Variants in CEP295 observed in about 807,000 individuals in gnomAD.
CEP295 encodes centrosomal protein 295, also known as centrosomal protein of 295 kDa.
CEP295 carries 190 observed loss-of-function variants against 291.6 expected under a neutral mutation model. The observed-to-expected ratio is 0.65, with a 90% CI of 0.58 to 0.73. The LOEUF (loss-of-function observed/expected upper bound fraction) is 0.73, where lower values mean the gene tolerates loss of function less well. Among genes scored for constraint, CEP295 ranks in the 30% least tolerant of loss-of-function variants. CEP295 has a pLI of 0.00. For synonymous variants in CEP295, 993 were observed against 1,038.8 expected (o/e 0.96, Z 0.85); for missense variants, 2,863 against 2,949.4 (o/e 0.97, Z 0.68).
intron 18 of CEP295, among the ~76,000 whole-genome samples, chr11:93,718,896 G>A (rs534830383): frequency 2.0e-5 from 3 of 152,176 alleles, no homozygotes; most frequent in African/African-American, 7.2e-5. Context: ...GGATCATAAG[G>A]TCAGGAATTC....
chr11:93,695,478 A>G lies in CEP295; in HGVS notation c.1534-19A>G, dbSNP rs189108640. The G allele has an allele frequency of 1.5e-4, 209 of 1,407,344 alleles. 1 individual carries two copies. In the East Asian group the frequency reaches 2.7e-3, roughly 18 times the overall value. The allele number at this position is 1,407,344 out of a possible 1,614,324, so 87.2% of individuals were successfully genotyped here. On this transcript the variant is annotated intron_variant, in intron 12 of 29. Transcript: ENST00000325212. ...GTATGAGTTTGTTGTTAATAGATCA[A>G]TAGTATTTTGTTACCTAGATAATGG...
intron 21 of CEP295, chr11:93,723,663 A>G: frequency 5.9e-6 from 1 of 169,838 alleles, no homozygotes; most frequent in Non-Finnish European, 1.3e-5. Context: ...TTAATCTTTT[A>G]TAAAAGAGGA....
At chr11:93,722,241 G>A (rs1038369699) in intron 20 of CEP295, among the ~76,000 whole-genome samples, 191 bp downstream of exon 20, 2 of 152,024 alleles carry the variant, frequency 1.3e-5, no homozygotes, top group South Asian at 2.1e-4. Flanking sequence ...TGGGAGGATC[G>A]CTTGAGCCCA....
At chr11:93,685,481 C>T (rs141953884) in intron 9 of CEP295, among the ~76,000 whole-genome samples, 3 of 152,270 alleles carry the variant, frequency 2.0e-5, no homozygotes, top group African/African-American at 7.2e-5. Context: ...TTATTCATGT[C>T]TCCTATGCCT....
chr11:93,677,190 T>C (rs11827321), intron 6 of CEP295, among the ~76,000 whole-genome samples: 2,012 of 152,254 alleles, frequency 0.013, 50 homozygotes, highest in African/African-American at 0.046. Context: ...ACTCAACTTA[T>C]ATCACATGCA....
At position 93,698,979 on chromosome 11, in the gene CEP295, A is replaced by C. The variant is rs2135118204; in HGVS notation, c.4067A>C (p.Glu1356Ala). ...CAAGATAATTTGAAGGCACTTCAAG[A>C]ACAGTTAGCTACACAGAGAGAAGCC... ...PQQDNLKALQ[E>A]QLATQREAII... The change falls in exon 15 of 30, where the codon GAA becomes GCA. Residue 1356 changes from glutamate (E) to alanine (A), a missense_variant. By Grantham distance (107) the Glu-to-Ala change is moderately radical. This residue lies in a region of CEP295 where 2,295 missense variants were observed against 2,335.7 expected (regional missense o/e 0.98). Coordinates refer to ENST00000325212, the MANE Select transcript of CEP295 (RefSeq NM_033395.2). 6.4e-7 allele frequency: 1 copy of C among 1,550,568 alleles called. No homozygotes were observed. The highest frequency in any genetic ancestry group is 2.4e-5 in the East Asian group (1 of 40,918).
At chr11:93,678,290 C>G (rs963089177) in intron 6 of CEP295, among the ~76,000 whole-genome samples, 4 of 152,094 alleles carry the variant, frequency 2.6e-5, no homozygotes, top group Non-Finnish European at 5.9e-5. Context: ...ATACTAAATA[C>G]TCCTACAGAT....
rs769044636 is a variant in CEP295 at position 93,699,475 on chromosome 11, T to C, written c.4563T>C (p.Ser1521=). Residue 1521 remains serine (S), a synonymous_variant, in exon 15 of 30, where the codon TCT becomes TCC. Transcript: ENST00000325212. ...ATACACAGAAGAAAGCCATTCGATC[T>C]ATACAGGAAGTCCAAGAAGAATTGC... ...QLDTQKKAIR[S]IQEVQEELLL... is the part of the protein sequence containing the mutation. 1.7e-5 allele frequency: 27 copies of C among 1,551,662 alleles called. No individual in the cohort carries two copies. Among genetic ancestry groups the C allele is most frequent in the Non-Finnish European group, 2.1e-5 (24 of 1,146,996 alleles).
At chr11:93,695,380 T>G in intron 12 of CEP295, 117 bp from the exon 13 acceptor site, 1 of 603,378 alleles carries the variant, frequency 1.7e-6, no homozygotes, top group African/African-American at 2.0e-5. Context: ...CAACACTTAC[T>G]TCTTTGAAAA....
rs1950347634 is a variant in CEP295, at chr11:93,669,778, T to G, written c.528+8T>G. On this transcript the variant is annotated splice_region_variant and intron_variant, in intron 5 of 29. Coordinates refer to ENST00000325212, the MANE Select transcript of CEP295 (RefSeq NM_033395.2). The stretch of plus-strand genomic sequence containing the variant: ...CCTCCAACTCTTTTTGAGGTGAGTT[T>G]GAGTATTAAGAGGAACTAGGTCATA... 1 of 1,532,252 alleles carries G rather than the reference T, an allele frequency of 6.5e-7. No homozygotes were observed. Among genetic ancestry groups the G allele is most frequent in the African/African-American group, 1.4e-5 (1 of 72,682 alleles). 94.9% of individuals were successfully genotyped at this position (1,532,252 alleles called of 1,614,324 possible).
chr11:93,721,222 G>C (rs1953689704), intron 18 of CEP295, 90 bp from the exon 19 acceptor site: 3 of 718,832 alleles, frequency 4.2e-6, no homozygotes, highest in African/African-American at 1.8e-5. Context: ...TAGGAAAGCA[G>C]GGAATGGTGT....
At position 93,721,429 on chromosome 11, in the gene CEP295, T is replaced by A. The variant is rs1953703230; in HGVS notation, c.5850+17T>A. 1 of 1,455,244 alleles carries A rather than the reference T, an allele frequency of 6.9e-7. No individual in the cohort carries two copies. 90.1% of individuals were successfully genotyped at this position (1,455,244 alleles called of 1,614,324 possible). A position where few individuals can be genotyped will look rare whatever the true frequency, so the allele number is the denominator to read the frequency against. ...GATGATAAGGTTAGTAATGTCTTAA[T>A]GTTCACTCGATTTTTAGAGCTGTTT... On this transcript the variant is annotated intron_variant, in intron 19 of 29. Transcript: ENST00000325212.
At chr11:93,729,561 T>C in intron 26 of CEP295, 31 bp downstream of exon 26, 1 of 1,550,030 alleles carries the variant, frequency 6.5e-7, no homozygotes, top group Non-Finnish European at 8.7e-7. Context: ...ACACTTCTAA[T>C]GGAAAGTAGA....
At chr11:93,700,218 C>G in intron 15 of CEP295, 32 bp downstream of exon 15, 3 of 1,485,904 alleles carry the variant, frequency 2.0e-6, no homozygotes, top group Non-Finnish European at 2.7e-6. Flanking sequence ...TAATGAAACA[C>G]TAGAAGTTTA....
At chr11:93,713,854 CTCTTA>C (rs1565205818) in intron 18 of CEP295, among the ~76,000 whole-genome samples, 1 of 152,026 alleles carries the variant, frequency 6.6e-6, no homozygotes, top group Non-Finnish European at 1.5e-5. Flanking sequence ...CTTTTTAATT[CTCTTA>C]TCTTTTGTCT....
chr11:93,697,252 A>T lies in CEP295; in HGVS notation c.2340A>T (p.Leu780Phe). Residue 780 changes from leucine (L) to phenylalanine (F), a missense_variant, in exon 15 of 30, where the codon TTA becomes TTT. Around this residue, in one of 3 missense-constraint regions of CEP295, gnomAD observed 2,295 missense variants for 2,335.7 expected, o/e 0.98. Transcript: ENST00000325212. ...ATAGTGAAAATATATCTTACCATTTAACTGAACCTTCTTCATTTGTACCAC... is the reference window on the plus strand; with the variant it reads ...ATAGTGAAAATATATCTTACCATTTTACTGAACCTTCTTCATTTGTACCAC... Reference protein sequence around the residue: ...SENSENISYHLTEPSSFVPLV... With the variant: ...SENSENISYHFTEPSSFVPLV... 1.9e-6 allele frequency: 3 copies of T among 1,551,748 alleles called. No homozygotes were observed. The highest frequency in any genetic ancestry group is 2.6e-6 in the Non-Finnish European group (3 of 1,146,982).
intron 17 of CEP295, among the ~76,000 whole-genome samples, chr11:93,705,052 CTTAT>C (rs1565195516): frequency 6.6e-6 from 1 of 151,718 alleles, no homozygotes; most frequent in Non-Finnish European, 1.5e-5. Context: ...AGTAAATTGT[CTTAT>C]TTATTTAATT....
At chr11:93,703,267 A>T (rs1457764417) in intron 17 of CEP295, among the ~76,000 whole-genome samples, 1 of 151,940 alleles carries the variant, frequency 6.6e-6, no homozygotes, top group Non-Finnish European at 1.5e-5. Context: ...CCTGGTCTAC[A>T]TTTTTTCAGA....
chr11:93,680,438 T>C (rs1271124354), intron 7 of CEP295, among the ~76,000 whole-genome samples: 1 of 151,844 alleles, frequency 6.6e-6, no homozygotes, highest in Middle Eastern at 3.2e-3. Flanking sequence ...AACCCTGTCT[T>C]TACCAAAATT....
Sources: gnomAD v4.1 joint callset for allele counts (sites outside exome capture counted in the v4.1 genomes callset) on GRCh38, gnomAD v4.1.1 for gene constraint, gnomAD v4.1.1 regional missense constraint, MANE v1.5 for transcripts, NCBI Gene and HGNC (gene_info 2026-07-23, HGNC 2026-07-21) for gene names.